C20orf173: variants seen among roughly 807,000 people sequenced by gnomAD.
The protein encoded by C20orf173 is chromosome 20 open reading frame 173, also known as uncharacterized protein C20orf173.
In C20orf173, 22 loss-of-function variants were observed where a neutral mutation model predicts 26.7. The ratio of observed to expected loss-of-function variants is 0.82; its 90% CI spans 0.59 to 1.18. The LOEUF (loss-of-function observed/expected upper bound fraction) is 1.18. Among genes scored for constraint, C20orf173 ranks in the 50% most tolerant of loss-of-function variants. The pLI is 0.00. For synonymous variants in C20orf173, 85 were observed against 96.4 expected (o/e 0.88, Z 0.69); for missense variants, 210 against 250.3 (o/e 0.84, Z 1.09).
rs2064519735 is a variant in C20orf173 at position 35,528,354 on chromosome 20, A to G, written c.583-70T>C. 2.6e-6 allele frequency: 4 copies of G among 1,547,730 alleles called. No individual in the cohort carries two copies. The African/African-American group carries it at 5.5e-5, about 21-fold the overall frequency. On this transcript the variant is annotated intron_variant, in intron 4 of 5. Transcript: ENST00000444723. ...GGAAAGTCCTGCAAGTGTCCCCAGT[A>G]AGCCAATAGAAGGTCTTCCCAGAGC...
At chr20:35,528,655 G>A (rs527315151) in intron 3 of C20orf173, 46 bp downstream of exon 3, 254 of 1,536,998 alleles carry the variant, frequency 1.7e-4, no homozygotes, top group Middle Eastern at 1.2e-3. Flanking sequence ...ATGGAACTGT[G>A]GGGCAGGCCT....
intron 5 of C20orf173, among the ~76,000 whole-genome samples, chr20:35,527,488 T>A (rs2041346231): frequency 6.6e-6 from 1 of 152,062 alleles, no homozygotes; most frequent in Non-Finnish European, 1.5e-5. Flanking sequence ...CCCCAGGACG[T>A]AAGAGAAGGG....
chr20:35,527,863 C>A (rs568017127), intron 5 of C20orf173, among the ~76,000 whole-genome samples: 1 of 152,194 alleles, frequency 6.6e-6, no homozygotes, highest in African/African-American at 2.4e-5. Flanking sequence ...CCATATTGGC[C>A]AGGCTGGTCT....
At chr20:35,523,905 T>G (rs2064488883), downstream of C20orf173, among the ~76,000 whole-genome samples, 1 of 152,030 alleles carries the variant, frequency 6.6e-6, no homozygotes, top group African/African-American at 2.4e-5. Flanking sequence ...AGCCCGTGAG[T>G]TCAAGAAGGG....
At chr20:35,521,358 C>T (rs1315951890), downstream of C20orf173, among the ~76,000 whole-genome samples, 3 of 152,058 alleles carry the variant, frequency 2.0e-5, no homozygotes, top group Admixed American at 2.0e-4. Flanking sequence ...AAAGAGAGCA[C>T]CAACTAGTTG....
chr20:35,528,005 C>T (rs1297098501), intron 5 of C20orf173, among the ~76,000 whole-genome samples: 1 of 152,150 alleles, frequency 6.6e-6, no homozygotes, highest in Non-Finnish European at 1.5e-5. Flanking sequence ...ATGCTGAAGG[C>T]ATTGAGGAGC....
downstream of C20orf173, among the ~76,000 whole-genome samples, chr20:35,521,808 A>C (rs966806313): frequency 2.0e-5 from 3 of 152,080 alleles, no homozygotes; most frequent in Non-Finnish European, 4.4e-5. Flanking sequence ...GCGTTTCTCC[A>C]TGTTGGTCAG....
At chr20:35,526,819 C>CA (rs2064505921), downstream of C20orf173, among the ~76,000 whole-genome samples, 2 of 152,276 alleles carry the variant, frequency 1.3e-5, no homozygotes, top group South Asian at 4.1e-4. Context: ...CCTCCCCCAA[C>CA]AACTCAAAGT....
downstream of C20orf173, chr20:35,521,205 C>G (rs2147278754): frequency 2.0e-5 from 3 of 152,750 alleles, no homozygotes; most frequent in Middle Eastern, 6.8e-3. Flanking sequence ...TGCCCTGCCC[C>G]CATGGAACAC....
downstream of C20orf173, chr20:35,522,774 A>G (rs539661224): frequency 6.5e-6 from 1 of 152,872 alleles, no homozygotes; most frequent in South Asian, 2.1e-4. Context: ...TGGACACCAC[A>G]TGGCCCAGTG....
chr20:35,525,708 G>A (rs558831916), downstream of C20orf173, among the ~76,000 whole-genome samples: 5 of 152,314 alleles, frequency 3.3e-5, no homozygotes, highest in South Asian at 4.2e-4. Context: ...GCCCTGATGC[G>A]ATCCAGTGGT....
Position 35,529,257 on chromosome 20 carries a change from C to T in C20orf173, c.117G>A (p.Leu39=), listed in dbSNP as rs1054934729. The change falls in exon 2 of 6, where the codon TTG becomes TTA. Residue 39 remains leucine (L), a synonymous_variant. Coordinates refer to ENST00000444723, the MANE Select transcript of C20orf173 (RefSeq NM_001145350.2). ...ESAPQEKRMY[L]VPQHCDCPWF... is the part of the protein sequence containing the mutation. ...AAGGGCAGTCGCAATGCTGTGGTAC[C>T]AAGTACATTCGTTTTTCCTGGGGTG... 6.4e-7 allele frequency: 1 copy of T among 1,551,620 alleles called. No individual in the cohort carries two copies. The highest frequency in any genetic ancestry group is 8.7e-7 in the Non-Finnish European group (1 of 1,146,966).
In C20orf173 at chr20:35,529,400, G is replaced by C. The variant is rs1348933458; in HGVS notation, c.-27C>G. 2.0e-6 allele frequency: 3 copies of C among 1,507,510 alleles called. No homozygotes were observed. The Admixed American group carries it at 6.1e-5, about 31-fold the overall frequency. 93.4% of individuals were successfully genotyped at this position (1,507,510 alleles called of 1,614,324 possible). On this transcript the variant is annotated 5_prime_UTR_variant, in exon 2 of 6. Coordinates refer to ENST00000444723, the MANE Select transcript of C20orf173 (RefSeq NM_001145350.2). Reference sequence around the variant, plus strand: ...TCTGGCCCAGGCGGTGGCTCCCGTGGTGGGCCGTAGACTGGCTTCTCTACC... The same window carrying C: ...TCTGGCCCAGGCGGTGGCTCCCGTGCTGGGCCGTAGACTGGCTTCTCTACC...
Position 35,528,880 on chromosome 20 carries a change from C to G in C20orf173, c.310-1G>C. 1 of 1,551,406 alleles carries G rather than the reference C, an allele frequency of 6.4e-7. No individual in the cohort carries two copies. The highest frequency in any genetic ancestry group is 8.7e-7 in the Non-Finnish European group (1 of 1,146,934). On this transcript the variant is annotated splice_acceptor_variant, in intron 2 of 5. Transcript: ENST00000444723. LOFTEE classifies it high-confidence loss of function. ...CAAGCTCGCTCCCTGAGTTCATGCC[C>G]TGGAAACAGCAAGAGGGAGATTGGG...
chr20:35,526,327 A>G (rs1478770027), downstream of C20orf173, among the ~76,000 whole-genome samples: 1 of 152,214 alleles, frequency 6.6e-6, no homozygotes, highest in Non-Finnish European at 1.5e-5. Flanking sequence ...GGAATGCTGC[A>G]GAAGTGACAC....
At chr20:35,525,707 C>T (rs1290975032), downstream of C20orf173, among the ~76,000 whole-genome samples, 4 of 152,168 alleles carry the variant, frequency 2.6e-5, no homozygotes, top group East Asian at 3.8e-4. Context: ...TGCCCTGATG[C>T]GATCCAGTGG....
downstream of C20orf173, among the ~76,000 whole-genome samples, chr20:35,524,953 C>T (rs960100627): frequency 6.6e-6 from 1 of 151,772 alleles, no homozygotes; most frequent in African/African-American, 2.4e-5. Context: ...CCCACCTTGG[C>T]CTCCCAAAGT....
chr20:35,524,536 G>A (rs79642085), downstream of C20orf173, among the ~76,000 whole-genome samples: 30 of 152,064 alleles, frequency 2.0e-4, no homozygotes, highest in Middle Eastern at 6.8e-3. Context: ...TGCATTTGCC[G>A]CATTTCAAGT....
chr20:35,528,965 T>C (rs1601349313), intron 2 of C20orf173, 86 bp from the exon 3 acceptor site: 2 of 1,539,916 alleles, frequency 1.3e-6, no homozygotes, highest in Non-Finnish European at 1.8e-6. Context: ...CCAGAGGCTG[T>C]GAAGACAGGG....
Sources: allele counts gnomAD v4.1 joint callset (sites outside exome capture counted in the v4.1 genomes callset), GRCh38; gene constraint gnomAD v4.1.1; transcripts MANE v1.5; gene names NCBI Gene and HGNC (gene_info 2026-07-23, HGNC 2026-07-21).